The following KIF13B variants were observed in gnomAD, a reference collection of about 807,000 sequenced individuals.
KIF13B encodes kinesin-like protein KIF13B.
In KIF13B, 127 loss-of-function variants were observed where a neutral mutation model predicts 222.0. The observed-to-expected ratio is 0.57, with a 90% CI of 0.50 to 0.66. KIF13B has a LOEUF of 0.66. Ranked by LOEUF, KIF13B falls within the 30% of genes least tolerant of loss-of-function variation. KIF13B has a pLI of 0.00. For synonymous variants in KIF13B, 976 were observed against 919.0 expected, an observed-to-expected ratio of 1.06 and a Z score of -1.12; for missense variants, 2,173 against 2,379.0, an observed-to-expected ratio of 0.91 and a Z score of 1.80.
chr8:29,182,046 C>T lies in KIF13B; in HGVS notation c.498-40G>A, dbSNP rs773414539. The T allele has an allele frequency of 1.1e-5, 17 of 1,508,380 alleles. No individual in the cohort carries two copies. The East Asian group carries it at 3.6e-4, about 32-fold the overall frequency. 93.4% of individuals were successfully genotyped at this position (1,508,380 alleles called of 1,614,324 possible). ...CAAAGAAATGATTTTTTAACAATAG[C>T]CTATTTTTAAAAAGGACTCAGCTCT... is the stretch of plus-strand genomic sequence containing the variant. On this transcript the variant is annotated intron_variant, in intron 6 of 39. Transcript: ENST00000524189.
At chr8:29,089,885 CA>C (rs11307766) in intron 37 of KIF13B, among the ~76,000 whole-genome samples, 97,469 of 118,150 alleles carry the variant, frequency 0.82, 39,849 homozygotes, top group Middle Eastern at 0.9. Flanking sequence ...GACTCTGTCT[CA>C]AAAAAAAAAA....
chr8:29,072,062 C>G lies in KIF13B; in HGVS notation c.4776G>C (p.Pro1592=). Residue 1592 remains proline (P), a synonymous_variant, in exon 39 of 40, where the codon CCG becomes CCC. Coordinates refer to ENST00000524189, the MANE Select transcript of KIF13B (RefSeq NM_015254.4). The part of the protein sequence containing the change: ...LGPGLDAAAP[P]GSMPTAPEAE... ...CCTCAGGGGCGGTGGGCATGGACCC[C>G]GGCGGGGCCGCAGCGTCCAGGCCGG... The G allele has an allele frequency of 7.6e-7, 1 of 1,307,628 alleles. No individual in the cohort carries two copies. The highest frequency in any genetic ancestry group is 9.7e-7 in the Non-Finnish European group (1 of 1,028,016). 81.0% of individuals were successfully genotyped at this position (1,307,628 alleles called of 1,614,324 possible).
At chr8:29,258,652 A>G (rs1031940563) in intron 1 of KIF13B, among the ~76,000 whole-genome samples, 1 of 152,028 alleles carries the variant, frequency 6.6e-6, no homozygotes, top group Non-Finnish European at 1.5e-5. Context: ...CCTCACTCTC[A>G]GGCCATACTT....
chr8:29,142,120 A>G (rs1417667388), intron 19 of KIF13B, 37 bp downstream of exon 19: 1 of 1,580,668 alleles, frequency 6.3e-7, no homozygotes, highest in East Asian at 2.2e-5. Flanking sequence ...CTCCTTCCAT[A>G]ATTACCAATT....
chr8:29,226,051 A>T (rs971526607), intron 2 of KIF13B, among the ~76,000 whole-genome samples: 2 of 151,032 alleles, frequency 1.3e-5, no homozygotes, highest in Non-Finnish European at 3.0e-5. Flanking sequence ...AGTTAAATGG[A>T]GGTTTTATGA....
chr8:29,155,888 T>G (rs375573747), intron 13 of KIF13B, 32 bp from the exon 14 acceptor site: 115 of 1,498,656 alleles, frequency 7.7e-5, no homozygotes, highest in Non-Finnish European at 9.9e-5. Context: ...TGATTAATAC[T>G]GTATTCTTAC....
At chr8:29,228,352 A>T (rs1815121032) in intron 2 of KIF13B, among the ~76,000 whole-genome samples, 1 of 151,512 alleles carries the variant, frequency 6.6e-6, no homozygotes, top group Non-Finnish European at 1.5e-5. Context: ...CTGTAATCCC[A>T]GCTACTCAGG....
At chr8:29,250,674 T>C (rs1185844195) in intron 1 of KIF13B, among the ~76,000 whole-genome samples, 1 of 152,178 alleles carries the variant, frequency 6.6e-6, no homozygotes, top group Non-Finnish European at 1.5e-5. Context: ...TGAAGGATAG[T>C]AAGAGAAGGC....
intron 2 of KIF13B, among the ~76,000 whole-genome samples, chr8:29,228,322 C>A (rs927311569): frequency 6.6e-6 from 1 of 151,264 alleles, no homozygotes; most frequent in South Asian, 2.1e-4. Context: ...GAGAAATTAG[C>A]CGGACATGGT....
Position 29,071,918 on chromosome 8 carries a change from C to T in KIF13B, c.4920G>A (p.Pro1640=). 6.9e-7 allele frequency: 1 copy of T among 1,440,880 alleles called. No individual in the cohort carries two copies. Among genetic ancestry groups the T allele is most frequent in the Non-Finnish European group, 9.0e-7 (1 of 1,109,294 alleles). The allele number at this position is 1,440,880 out of a possible 1,614,324, so 89.3% of individuals were successfully genotyped here. A position where few individuals can be genotyped will look rare whatever the true frequency, so the allele number is the denominator to read the frequency against. ...PGRERPDLEA[P]APGSPFRVRR... Reference sequence around the variant, plus strand: ...GGACGCGGAACGGGGAGCCGGGCGCCGGGGCCTCGAGGTCGGGGCGCTCCC... The same window carrying T: ...GGACGCGGAACGGGGAGCCGGGCGCTGGGGCCTCGAGGTCGGGGCGCTCCC... Residue 1640 remains proline, a synonymous_variant, in exon 39 of 40, where the codon CCG becomes CCA. Transcript: ENST00000524189. This position sits in a 1 kb window ranked among gnomAD's most constrained non-coding sequence, Gnocchi z 4.9.
intron 2 of KIF13B, among the ~76,000 whole-genome samples, chr8:29,206,455 C>T (rs1213528265): frequency 2.0e-5 from 3 of 151,864 alleles, no homozygotes; most frequent in East Asian, 3.8e-4. Flanking sequence ...GACTGCTTAG[C>T]GAAGATTTCC....
intron 2 of KIF13B, among the ~76,000 whole-genome samples, chr8:29,229,077 A>T (rs982340507): frequency 1.5e-5 from 2 of 133,328 alleles, no homozygotes; most frequent in African/African-American, 5.5e-5. Context: ...CTAACTCCAG[A>T]ATGTCAGCTT....
rs75607288 is a variant in KIF13B at position 29,089,300 on chromosome 8, G to A, written c.4458+3445C>T. ...AAAATATTTAAAAAGTTAGCTGGGC[G>A]TGATGGAGCGCACTTGTAGTCCTAG... is the stretch of plus-strand genomic sequence containing the variant. On this transcript the variant is annotated intron_variant, in intron 37 of 39. Coordinates refer to ENST00000524189, the MANE Select transcript of KIF13B (RefSeq NM_015254.4). 3.2e-3 allele frequency among the ~76,000 whole-genome samples: 492 copies of A among 152,246 alleles called. 3 individuals are homozygous for A. Among genetic ancestry groups the A allele is most frequent in the African/African-American group, 0.011 (465 of 41,544 alleles).
intron 35 of KIF13B, among the ~76,000 whole-genome samples, chr8:29,105,857 C>A (rs1809042280): frequency 6.6e-6 from 1 of 151,732 alleles, no homozygotes; most frequent in African/African-American, 2.4e-5. Context: ...CGGGGTTTCA[C>A]CATGTTGGGC....
chr8:29,114,863 G>A (rs1809522233), intron 31 of KIF13B, among the ~76,000 whole-genome samples: 1 of 152,170 alleles, frequency 6.6e-6, no homozygotes, highest in Non-Finnish European at 1.5e-5. Context: ...CCAGGGCCTG[G>A]CAACCAGGAT....
intron 37 of KIF13B, among the ~76,000 whole-genome samples, chr8:29,085,971 G>A (rs1374767676): frequency 6.6e-6 from 1 of 151,240 alleles, no homozygotes; most frequent in Non-Finnish European, 1.5e-5. Flanking sequence ...CACTGCTTTA[G>A]CAAAACCATC....
At position 29,211,950 on chromosome 8, in the gene KIF13B, A is replaced by C. The variant is rs1017434071; in HGVS notation, c.150-15751T>G. 2.0e-5 allele frequency among the ~76,000 whole-genome samples: 3 copies of C among 152,214 alleles called. No homozygotes were observed. In the East Asian group the frequency reaches 5.8e-4, roughly 29 times the overall value. On this transcript the variant is annotated intron_variant, in intron 2 of 39. Coordinates refer to ENST00000524189, the MANE Select transcript of KIF13B (RefSeq NM_015254.4). ...GGACATTTCATATAAATGATACTAT[A>C]AAATATGTAGCTTTTCTACCTGGTG...
intron 2 of KIF13B, among the ~76,000 whole-genome samples, chr8:29,197,292 C>A (rs988869810): frequency 2.8e-5 from 4 of 144,152 alleles, no homozygotes; most frequent in Admixed American, 6.9e-5. Flanking sequence ...AGCCGAGATC[C>A]CGCCACTGCA....
rs186333948 is a variant in KIF13B, at chr8:29,200,985, T to C, written c.150-4786A>G. Among the ~76,000 whole-genome samples the C allele has an allele frequency of 5.9e-5, 9 of 152,356 alleles. No homozygotes were observed. The East Asian group carries it at 1.5e-3, about 26-fold the overall frequency. On this transcript the variant is annotated intron_variant, in intron 2 of 39. Coordinates refer to ENST00000524189, the MANE Select transcript of KIF13B (RefSeq NM_015254.4). Reference sequence around the variant, plus strand: ...GATCACTTGGTCAAGGCTGGATCTATGAGGTTTCCCACAGTAAAATTACTA... The same window carrying C: ...GATCACTTGGTCAAGGCTGGATCTACGAGGTTTCCCACAGTAAAATTACTA...
Sources: allele counts gnomAD v4.1 joint callset (sites outside exome capture counted in the v4.1 genomes callset), GRCh38; gene constraint gnomAD v4.1.1; non-coding constraint Gnocchi (gnomAD v3.1); transcripts MANE v1.5; gene names NCBI Gene and HGNC (gene_info 2026-07-23, HGNC 2026-07-21).